Variants in CHPF observed in about 807,000 individuals in gnomAD.
The protein encoded by CHPF is chondroitin polymerizing factor.
In CHPF, 34 loss-of-function variants were observed where a neutral mutation model predicts 55.1. That is an observed-to-expected ratio of 0.62 (90% CI 0.47 to 0.82). The LOEUF is 0.82. CHPF is among the 40% of genes least tolerant of loss of function. The pLI, the probability that CHPF is intolerant of heterozygous loss-of-function variation, is 0.00. For synonymous variants in CHPF, 489 were observed against 496.6 expected, an observed-to-expected ratio of 0.98 and a Z score of 0.20; for missense variants, 961 against 1,106.1, an observed-to-expected ratio of 0.87 and a Z score of 1.86.
In CHPF at chr2:219,539,372, A is replaced by G. The variant is rs1380219461; in HGVS notation, c.*11T>C. 1.9e-6 allele frequency: 3 copies of G among 1,583,056 alleles called. No individual in the cohort carries two copies. In the South Asian group the frequency reaches 3.4e-5, roughly 18 times the overall value. ...TGTGGCCATGCCACGGCCCACGGGG[A>G]CAGGGTGGGGTCAGGTGCTGTTGCC... is the stretch of plus-strand genomic sequence containing the variant. On this transcript the variant is annotated 3_prime_UTR_variant, in exon 4 of 4. Coordinates refer to ENST00000243776, the MANE Select transcript of CHPF (RefSeq NM_024536.6).
chr2:219,540,958 G>T lies in CHPF; in HGVS notation c.1056C>A (p.Ile352=). 6.2e-7 allele frequency: 1 copy of T among 1,613,834 alleles called. No individual in the cohort carries two copies. ...ACCTAGACCATACCTGTAACTCCTG[G>T]ATCTCCTGGTACGTGCGTTCCAGTT... ...RAELERTYQE[I]QELQWEIQNT... Residue 352 remains isoleucine, a synonymous_variant, in exon 3 of 4, where the codon ATC becomes ATA. Coordinates refer to ENST00000243776, the MANE Select transcript of CHPF (RefSeq NM_024536.6).
chr2:219,539,280 G>GCTA lies in CHPF; in HGVS notation c.*100_*102dup. 8.3e-7 allele frequency: 1 copy of GCTA among 1,204,112 alleles called. No individual in the cohort carries two copies. Among genetic ancestry groups the GCTA allele is most frequent in the Non-Finnish European group, 1.1e-6 (1 of 874,868 alleles). 74.6% of individuals were successfully genotyped at this position (1,204,112 alleles called of 1,614,324 possible). On this transcript the variant is annotated 3_prime_UTR_variant, in exon 4 of 4. Transcript: ENST00000243776. ...GACCAGTGGGCCAGCTTGGGGTCTG[G>GCTA]CTACGGCCAGCCCTGCCCAGCGAGG...
At chr2:219,542,309 A>C in intron 1 of CHPF, 120 bp from the exon 2 acceptor site, 1 of 746,006 alleles carries the variant, frequency 1.3e-6, no homozygotes, top group Non-Finnish European at 2.1e-6. Context: ...TCACCTATGA[A>C]TAGGTTAAAA....
chr2:219,541,612 C>T lies in CHPF; in HGVS notation c.888+4G>A, dbSNP rs762405078. ...GGTATCAGTGGGATAGCTTATCATC[C>T]CACCTCGTGGTCACCAGTGCAGCCC... On this transcript the variant is annotated splice_donor_region_variant and intron_variant, in intron 2 of 3. Transcript: ENST00000243776. The T allele has an allele frequency of 6.4e-7, 1 of 1,552,142 alleles. No homozygotes were observed. The highest frequency in any genetic ancestry group is 1.4e-5 in the African/African-American group (1 of 73,476).
rs764887330 is a variant in CHPF, at chr2:219,541,791, G to T, written c.713C>A (p.Thr238Asn). ...GCCTCCGTGGCAGTAGCGGCCGGGGGTGGGCTCTCCGCCGATGAAGTCCTG... is the reference window on the plus strand; with the variant it reads ...GCCTCCGTGGCAGTAGCGGCCGGGGTTGGGCTCTCCGCCGATGAAGTCCTG... Reference protein sequence around the residue: ...RPQDFIGGEPTPGRYCHGGFG... With the variant: ...RPQDFIGGEPNPGRYCHGGFG... Residue 238 changes from threonine to asparagine, a missense_variant, in exon 2 of 4, where the codon ACC (threonine) becomes AAC (asparagine). Transcript: ENST00000243776. 6.2e-7 allele frequency: 1 copy of T among 1,607,334 alleles called. No homozygotes were observed. Among genetic ancestry groups the T allele is most frequent in the South Asian group, 1.1e-5 (1 of 90,410 alleles).
In CHPF at chr2:219,540,061, C is replaced by T. The variant is rs1422295336; in HGVS notation, c.1650G>A (p.Glu550=). ...AAALTLLLLY[E]PRQAQRVAHA... ...GGGCCACGCGCTGGGCCTGGCGCGG[C>T]TCATACAGTAGCAGCAGGGTCAGGG... The change falls in exon 4 of 4, where the codon GAG becomes GAA. Residue 550 remains glutamate, a synonymous_variant. Transcript: ENST00000243776. 1.9e-6 allele frequency: 3 copies of T among 1,610,764 alleles called. No homozygotes were observed. The highest frequency in any genetic ancestry group is 2.7e-5 in the African/African-American group (2 of 74,874).
intron 1 of CHPF, 36 bp from the exon 2 acceptor site, chr2:219,542,225 C>A (rs1346314568): frequency 1.1e-6 from 1 of 895,912 alleles, no homozygotes; most frequent in Non-Finnish European, 1.4e-6. Context: ...ATCAAAAGGA[C>A]AACGGGGCGG....
chr2:219,541,230 G>T, intron 2 of CHPF, 105 bp from the exon 3 acceptor site: 1 of 1,125,184 alleles, frequency 8.9e-7, no homozygotes, highest in South Asian at 1.8e-5. Flanking sequence ...TGGACTTGCA[G>T]TCTGAGGGTT....
chr2:219,543,303 C>T lies in CHPF; in HGVS notation c.236G>A (p.Gly79Asp). ...AEREKPGAGE[G>D]AGENWEPRVL... The stretch of plus-strand genomic sequence containing the variant: ...GCGCGGCTCCCAATTCTCCCCGGCG[C>T]CTTCGCCGGCCCCGGGCTTCTCGCG... The change falls in exon 1 of 4, where the codon GGC (glycine) becomes GAC (aspartate). Residue 79 changes from glycine (G) to aspartate (D), a missense_variant. By Grantham distance (94) the Gly-to-Asp change is moderately conservative. Transcript: ENST00000243776. 6.4e-7 allele frequency: 1 copy of T among 1,573,564 alleles called. No homozygotes were observed. Among genetic ancestry groups the T allele is most frequent in the Non-Finnish European group, 8.6e-7 (1 of 1,169,556 alleles).
In CHPF at chr2:219,540,954, C is replaced by G; in HGVS notation, c.1060G>C (p.Glu354Gln). The change falls in exon 3 of 4, where the codon GAG becomes CAG. Residue 354 changes from glutamate (E) to glutamine (Q), a missense_variant. Glu to Gln is a conservative substitution (Grantham distance 29). This residue lies in a region of CHPF where 936 missense variants were observed against 1,058.4 expected (regional missense o/e 0.88). Transcript: ENST00000243776. ...CCAGACCTAGACCATACCTGTAACTCCTGGATCTCCTGGTACGTGCGTTCC... is the reference window on the plus strand; with the variant it reads ...CCAGACCTAGACCATACCTGTAACTGCTGGATCTCCTGGTACGTGCGTTCC... ...ELERTYQEIQ[E>Q]LQWEIQNTSH... The G allele has an allele frequency of 6.2e-7, 1 of 1,613,842 alleles. No homozygotes were observed. Among genetic ancestry groups the G allele is most frequent in the Non-Finnish European group, 8.5e-7 (1 of 1,179,908 alleles).
chr2:219,540,716 C>T, intron 3 of CHPF, 74 bp from the exon 4 acceptor site: 1 of 1,435,558 alleles, frequency 7.0e-7, no homozygotes. Flanking sequence ...ACTGGGTAGG[C>T]AGTAGGTGCC....
At chr2:219,542,298 C>G in intron 1 of CHPF, 109 bp from the exon 2 acceptor site, 1 of 821,200 alleles carries the variant, frequency 1.2e-6, no homozygotes, top group Non-Finnish European at 1.8e-6. Flanking sequence ...TATCTGTTCT[C>G]TCACCTATGA....
Position 219,541,003 on chromosome 2 carries a change from G to A in CHPF, c.1011C>T (p.His337=), listed in dbSNP as rs1461255862. The A allele has an allele frequency of 6.2e-7, 1 of 1,613,872 alleles. No homozygotes were observed. Among genetic ancestry groups the A allele is most frequent in the Non-Finnish European group, 8.5e-7 (1 of 1,179,972 alleles). Residue 337 remains histidine, a synonymous_variant, in exon 3 of 4, where the codon CAC becomes CAT. Transcript: ENST00000243776. The part of the protein sequence containing the change: ...VRDPVHMYQL[H]KAFARAELER... Reference sequence around the variant, plus strand: ...CCAGTTCAGCTCGGGCGAAAGCTTTGTGCAGCTGGTACATGTGCACAGGGT... The same window carrying A: ...CCAGTTCAGCTCGGGCGAAAGCTTTATGCAGCTGGTACATGTGCACAGGGT...
chr2:219,540,590 G>A lies in CHPF; in HGVS notation c.1121C>T (p.Ala374Val). 1 of 1,612,306 alleles carries A rather than the reference G, an allele frequency of 6.2e-7. No individual in the cohort carries two copies. Among genetic ancestry groups the A allele is most frequent in the South Asian group, 1.1e-5 (1 of 90,826 alleles). The change falls in exon 4 of 4, where the codon GCT becomes GTT. Residue 374 changes from alanine to valine, a missense_variant. Ala to Val is a moderately conservative substitution (Grantham distance 64). Around this residue, in one of 3 missense-constraint regions of CHPF, gnomAD observed 936 missense variants for 1,058.4 expected, o/e 0.88. Coordinates refer to ENST00000243776, the MANE Select transcript of CHPF (RefSeq NM_024536.6). ...TGGTGCTGGAATACCCACGGGCCAA[G>A]CAGCTGCCTGGTCCCCATCAACGGC... ...HLAVDGDQAA[A>V]WPVGIPAPSR... is the part of the protein sequence containing the mutation.
intron 1 of CHPF, 22 bp downstream of exon 1, chr2:219,543,203 A>G: frequency 1.3e-6 from 2 of 1,492,638 alleles, no homozygotes. Context: ...CAGGGGGTAG[A>G]GCGGGCGCAG....
At chr2:219,541,454 C>A in intron 2 of CHPF, 162 bp downstream of exon 2, 1 of 625,612 alleles carries the variant, frequency 1.6e-6, no homozygotes, top group Middle Eastern at 3.2e-4. Context: ...AAGGAAGATA[C>A]TGAAGCCCAG....
rs761428451 is a variant in CHPF at position 219,541,002 on chromosome 2, T to C, written c.1012A>G (p.Lys338Glu). 1.9e-6 allele frequency: 3 copies of C among 1,614,028 alleles called. No homozygotes were observed. The highest frequency in any genetic ancestry group is 2.5e-6 in the Non-Finnish European group (3 of 1,179,968). Reference sequence around the variant, plus strand: ...TCCAGTTCAGCTCGGGCGAAAGCTTTGTGCAGCTGGTACATGTGCACAGGG... The same window carrying C: ...TCCAGTTCAGCTCGGGCGAAAGCTTCGTGCAGCTGGTACATGTGCACAGGG... ...RDPVHMYQLH[K>E]AFARAELERT... Residue 338 changes from lysine to glutamate, a missense_variant, in exon 3 of 4, where the codon AAA becomes GAA. By Grantham distance (56) the Lys-to-Glu change is moderately conservative. This residue lies in a region of CHPF where 936 missense variants were observed against 1,058.4 expected (regional missense o/e 0.88). Transcript: ENST00000243776.
chr2:219,542,791 G>T, intron 1 of CHPF: 1 of 432,858 alleles, frequency 2.3e-6, no homozygotes, highest in Non-Finnish European at 3.1e-6. Flanking sequence ...ACATTAATGA[G>T]ATAGGTACAT....
chr2:219,540,687 A>G, intron 3 of CHPF, 45 bp from the exon 4 acceptor site: 1 of 1,514,620 alleles, frequency 6.6e-7, no homozygotes, highest in Non-Finnish European at 8.9e-7. Flanking sequence ...GATTACAGGG[A>G]GCAGCACACA....
Sources: allele counts gnomAD v4.1 joint callset, GRCh38; gene constraint gnomAD v4.1.1; regional missense constraint gnomAD v4.1.1; transcripts MANE v1.5; gene names NCBI Gene and HGNC (gene_info 2026-07-23, HGNC 2026-07-21).